Variants in NEK11 observed in about 807,000 individuals in gnomAD.
The protein encoded by NEK11 is NIMA related kinase 11.
A neutral mutation model predicts 80.7 loss-of-function variants in NEK11; 72 were observed. The ratio of observed to expected loss-of-function variants is 0.89; its 90% CI spans 0.74 to 1.08. NEK11 has a LOEUF of 1.08. Ranked by LOEUF, NEK11 falls within the 50% of genes least tolerant of loss-of-function variation. NEK11 has a pLI of 0.00. For synonymous variants in NEK11, 251 were observed against 260.7 expected (o/e 0.96, Z 0.36); for missense variants, 764 against 763.6 (o/e 1.00, Z -0.01).
chr3:131,030,887 G>C (rs1299926388), intron 3 of NEK11, among the ~76,000 whole-genome samples: 1 of 152,036 alleles, frequency 6.6e-6, no homozygotes, highest in Non-Finnish European at 1.5e-5. Context: ...CTGAAGTTAG[G>C]GTAAGAAACT....
intron 17 of NEK11, among the ~76,000 whole-genome samples, chr3:131,338,559 T>C (rs1401491858): frequency 6.6e-6 from 1 of 152,186 alleles, no homozygotes; most frequent in East Asian, 1.9e-4. Flanking sequence ...ATATAGCAAC[T>C]TTATTCACAA....
chr3:131,244,538 G>C (rs1473252141), intron 16 of NEK11, among the ~76,000 whole-genome samples: 1 of 152,060 alleles, frequency 6.6e-6, no homozygotes, highest in Non-Finnish European at 1.5e-5. Context: ...TAAGCAGCAT[G>C]AGAACAGAAG....
intron 14 of NEK11, among the ~76,000 whole-genome samples, chr3:131,173,565 A>G (rs1041894789): frequency 6.6e-6 from 1 of 150,444 alleles, no homozygotes; most frequent in Non-Finnish European, 1.5e-5. Context: ...TATCTAGTAT[A>G]CCACCCTTTC....
At chr3:131,125,740 T>G (rs562559820) in intron 5 of NEK11, among the ~76,000 whole-genome samples, 1 of 152,230 alleles carries the variant, frequency 6.6e-6, no homozygotes, top group Non-Finnish European at 1.5e-5. Flanking sequence ...TCCCACTAGA[T>G]AGTATTCATC....
intron 17 of NEK11, chr3:131,330,796 A>C (rs1407864814): frequency 6.6e-6 from 1 of 152,086 alleles, no homozygotes; most frequent in East Asian, 1.9e-4. Flanking sequence ...AAGAAAATAA[A>C]TTTGTTTCTC....
chr3:131,205,321 C>A (rs1462020880), intron 14 of NEK11, among the ~76,000 whole-genome samples: 2 of 152,120 alleles, frequency 1.3e-5, no homozygotes, highest in East Asian at 1.9e-4. Context: ...AACAGGTAAC[C>A]ACCTTGGCTT....
chr3:131,149,736 T>C (rs2149785954), intron 7 of NEK11, among the ~76,000 whole-genome samples: 1 of 152,156 alleles, frequency 6.6e-6, no homozygotes, highest in Non-Finnish European at 1.5e-5. Context: ...CTATTTGTTA[T>C]CGTTAATCTG....
chr3:131,283,140 T>C (rs1273306493), intron 17 of NEK11, among the ~76,000 whole-genome samples: 1 of 152,138 alleles, frequency 6.6e-6, no homozygotes, highest in African/African-American at 2.4e-5. Context: ...AATAGAAGTG[T>C]AGTTAATTCT....
At chr3:131,092,572 A>T (rs899030814) in intron 4 of NEK11, among the ~76,000 whole-genome samples, 1 of 152,242 alleles carries the variant, frequency 6.6e-6, no homozygotes, top group African/African-American at 2.4e-5. Flanking sequence ...TAGCCACTGC[A>T]TACATATTCC....
chr3:131,330,971 A>C (rs1050544288), intron 17 of NEK11: 2 of 152,002 alleles, frequency 1.3e-5, no homozygotes, highest in African/African-American at 4.8e-5. Flanking sequence ...CCACTCCTAC[A>C]ATAACTAACC....
intron 17 of NEK11, among the ~76,000 whole-genome samples, chr3:131,302,667 A>T (rs769226683): frequency 6.6e-6 from 1 of 152,068 alleles, no homozygotes; most frequent in South Asian, 2.1e-4. Flanking sequence ...GTTTTTAGAG[A>T]TCTCCTTAGA....
chr3:131,060,749 A>G (rs1275710783), intron 3 of NEK11, among the ~76,000 whole-genome samples: 1 of 152,106 alleles, frequency 6.6e-6, no homozygotes, highest in Non-Finnish European at 1.5e-5. Flanking sequence ...TGGCTGTACC[A>G]TTTTGCATTC....
At chr3:131,221,323 G>A (rs2095017564) in intron 14 of NEK11, among the ~76,000 whole-genome samples, 1 of 152,122 alleles carries the variant, frequency 6.6e-6, no homozygotes, top group Non-Finnish European at 1.5e-5. Context: ...CAAACTTAAG[G>A]GTGCATCAGG....
chr3:131,185,532 C>G (rs181186763), intron 14 of NEK11, among the ~76,000 whole-genome samples: 2 of 152,210 alleles, frequency 1.3e-5, no homozygotes, highest in East Asian at 3.9e-4. Flanking sequence ...CCTACTGTCC[C>G]CCACCAACTC....
chr3:131,186,468 T>C (rs561012869), intron 14 of NEK11, among the ~76,000 whole-genome samples: 2 of 152,162 alleles, frequency 1.3e-5, no homozygotes, highest in South Asian at 4.2e-4. Flanking sequence ...CAGCAAACTG[T>C]TCATGACCTA....
chr3:131,039,454 C>T (rs1473961284), intron 3 of NEK11, among the ~76,000 whole-genome samples: 3 of 152,164 alleles, frequency 2.0e-5, no homozygotes, highest in African/African-American at 7.2e-5. Context: ...TTGGTGCATC[C>T]GGCAGCCCAG....
rs78981314 is a variant in NEK11 at position 131,145,788 on chromosome 3, A to G, written c.648-6600A>G. Among the ~76,000 whole-genome samples the G allele has an allele frequency of 1.0e-3, 154 of 152,190 alleles. 4 individuals carry two copies. The East Asian group carries it at 0.028, about 28-fold the overall frequency. On this transcript the variant is annotated intron_variant, in intron 7 of 17. Transcript: ENST00000383366. ...CCTACTCAGTATGGAACCTTGAACAATTTACCTAATCTTATGGTTTTCTCA... is the reference window on the plus strand; with the variant it reads ...CCTACTCAGTATGGAACCTTGAACAGTTTACCTAATCTTATGGTTTTCTCA...
intron 17 of NEK11, among the ~76,000 whole-genome samples, chr3:131,310,916 A>C (rs2096775594): frequency 6.6e-6 from 1 of 152,196 alleles, no homozygotes; most frequent in East Asian, 1.9e-4. Flanking sequence ...TTCTAGCTCC[A>C]CAGCATGAGC....
chr3:131,283,516 CTGTG>C (rs4044351), intron 17 of NEK11, among the ~76,000 whole-genome samples: 2,175 of 147,316 alleles, frequency 0.015, 24 homozygotes, highest in Middle Eastern at 0.05. Context: ...CAGGCTATTA[CTGTG>C]TGTGTGTGTG....
Sources: gnomAD v4.1 joint callset for allele counts (sites outside exome capture counted in the v4.1 genomes callset) on GRCh38, gnomAD v4.1.1 for gene constraint, MANE v1.5 for transcripts, NCBI Gene and HGNC (gene_info 2026-07-23, HGNC 2026-07-21) for gene names.